The following ZC3H12B variants were observed in gnomAD, a reference collection of about 807,000 sequenced individuals.
The protein encoded by ZC3H12B is probable ribonuclease ZC3H12B.
In ZC3H12B, 7 loss-of-function variants were observed where a neutral mutation model predicts 43.9. The observed-to-expected ratio is 0.16, with a 90% CI of 0.09 to 0.30. The LOEUF (loss-of-function observed/expected upper bound fraction) is 0.30. Among genes scored for constraint, ZC3H12B ranks in the 10% least tolerant of loss-of-function variants. ZC3H12B has a pLI of 1.00. For synonymous variants in ZC3H12B, 222 were observed against 241.7 expected, an observed-to-expected ratio of 0.92 and a Z score of 0.76; for missense variants, 475 against 670.2, an observed-to-expected ratio of 0.71 and a Z score of 3.22.
At chrX:65,456,715 A>T (rs1442468349) in intron 3 of ZC3H12B, among the ~76,000 whole-genome samples, 1 of 107,774 alleles carries the variant, frequency 9.3e-6, no homozygotes, top group South Asian at 4.2e-4. Flanking sequence ...AGGCACCGGG[A>T]TTGCAGACAG....
At chrX:65,150,531 C>A in the ZC3H12B span, among the ~76,000 whole-genome samples, 141 of 109,683 alleles carry the variant, frequency 1.3e-3, 4 homozygotes, top group Non-Finnish European at 1.2e-3. Context: ...TTGTTTCCCT[C>A]CTTGTGTCCA....
intron 3 of ZC3H12B, among the ~76,000 whole-genome samples, chrX:65,425,653 G>T (rs979529039): frequency 4.5e-5 from 5 of 111,292 alleles, no homozygotes; most frequent in Non-Finnish European, 9.4e-5. Flanking sequence ...CTAGTTTATT[G>T]AGAGTTTTTA....
chrX:65,167,665 C>G, the ZC3H12B span, among the ~76,000 whole-genome samples: 1 of 112,109 alleles, frequency 8.9e-6, no homozygotes. Context: ...TTGATTCTTA[C>G]TATCCATGAG....
chrX:65,271,955 C>T, the ZC3H12B span: 1 of 119,057 alleles, frequency 8.4e-6, no homozygotes, highest in African/African-American at 3.2e-5. Flanking sequence ...TGGCTCCTGC[C>T]TGTAATCCCA....
intron 3 of ZC3H12B, among the ~76,000 whole-genome samples, chrX:65,416,624 A>G (rs1475953523): frequency 2.3e-5 from 2 of 85,142 alleles, no homozygotes; most frequent in East Asian, 2.9e-4. Flanking sequence ...TACTAAAAAT[A>G]CAAAAAAAAA....
chrX:65,303,900 A>G, the ZC3H12B span, among the ~76,000 whole-genome samples: 4 of 112,601 alleles, frequency 3.6e-5, no homozygotes, highest in African/African-American at 1.3e-4. Flanking sequence ...AAGACCACAT[A>G]AAATAGAGAG....
the ZC3H12B span, among the ~76,000 whole-genome samples, chrX:65,154,939 A>T: frequency 9.0e-6 from 1 of 110,576 alleles, no homozygotes; most frequent in Non-Finnish European, 1.9e-5. Context: ...AGCTCAAGGA[A>T]GTTCCCTTCT....
At chrX:65,222,146 G>A in the ZC3H12B span, among the ~76,000 whole-genome samples, 2 of 111,518 alleles carry the variant, frequency 1.8e-5, no homozygotes, top group African/African-American at 6.5e-5. Flanking sequence ...ACAAAATCCA[G>A]CATCACTTTA....
chrX:65,285,324 T>C, the ZC3H12B span, among the ~76,000 whole-genome samples: 2 of 110,449 alleles, frequency 1.8e-5, no homozygotes, highest in South Asian at 7.7e-4. Flanking sequence ...TCATGCCTTC[T>C]AGCAAGAGAT....
the ZC3H12B span, among the ~76,000 whole-genome samples, chrX:65,056,712 T>A: frequency 9.0e-6 from 1 of 111,042 alleles, no homozygotes. Flanking sequence ...CCATTATTAT[T>A]GTGTGGGAGT....
intron 2 of ZC3H12B, among the ~76,000 whole-genome samples, chrX:65,394,896 T>C (rs929538019): frequency 2.7e-5 from 3 of 111,928 alleles, no homozygotes; most frequent in Admixed American, 1.9e-4. Context: ...TGGCTTGTAG[T>C]TCTCCTTGAA....
At chrX:65,227,709 C>T in the ZC3H12B span, among the ~76,000 whole-genome samples, 10 of 110,432 alleles carry the variant, frequency 9.1e-5, no homozygotes, top group East Asian at 8.5e-4. Flanking sequence ...ATATCACCAC[C>T]GATCCCACAG....
chrX:65,500,726 G>A (rs1056161382), intron 4 of ZC3H12B, among the ~76,000 whole-genome samples: 19 of 109,523 alleles, frequency 1.7e-4, no homozygotes, highest in African/African-American at 6.0e-4. Flanking sequence ...ACCGTGCCCG[G>A]CCCCTTTCCA....
chrX:65,340,304 C>T, the ZC3H12B span, among the ~76,000 whole-genome samples: 1 of 112,267 alleles, frequency 8.9e-6, no homozygotes, highest in Non-Finnish European at 1.9e-5. Context: ...TGAACACCCA[C>T]ACATACACAT....
At chrX:65,433,228 G>C (rs1178043310) in intron 3 of ZC3H12B, among the ~76,000 whole-genome samples, 1 of 112,377 alleles carries the variant, frequency 8.9e-6, no homozygotes, top group East Asian at 2.8e-4. Context: ...GGATTCGTCT[G>C]TCTTCTTCAC....
chrX:65,147,173 C>T, the ZC3H12B span, among the ~76,000 whole-genome samples: 233 of 112,069 alleles, frequency 2.1e-3, 1 homozygote, highest in African/African-American at 7.2e-3. Context: ...GAAGAAGTGG[C>T]GTCTTATTCC....
intron 2 of ZC3H12B, among the ~76,000 whole-genome samples, chrX:65,387,928 G>C (rs752691147): frequency 2.3e-4 from 26 of 112,113 alleles, no homozygotes; most frequent in African/African-American, 8.1e-4. Context: ...ATGAAATTCT[G>C]GGTTGAAAAT....
the ZC3H12B span, among the ~76,000 whole-genome samples, chrX:65,160,516 C>G: frequency 9.0e-6 from 1 of 111,589 alleles, no homozygotes; most frequent in African/African-American, 3.3e-5. Flanking sequence ...AGGAATTTAT[C>G]CATTTCTTCT....
chrX:65,411,766 TAATTG>T, intron 3 of ZC3H12B, among the ~76,000 whole-genome samples: 1 of 101,092 alleles, frequency 9.9e-6, no homozygotes, highest in East Asian at 2.8e-4. Flanking sequence ...AATAATAGTG[TAATTG>T]GATTGTTAGT....
Sources: allele counts gnomAD v4.1 joint callset (sites outside exome capture counted in the v4.1 genomes callset), GRCh38; gene constraint gnomAD v4.1.1; transcripts MANE v1.5; gene names NCBI Gene and HGNC (gene_info 2026-07-23, HGNC 2026-07-21).